The following DAPP1 variants were observed in gnomAD, a reference collection of about 807,000 sequenced individuals.
The protein encoded by DAPP1 is dual adaptor of phosphotyrosine and 3-phosphoinositides 1, also known as dual adapter for phosphotyrosine and 3-phosphotyrosine and 3-phosphoinositide.
In DAPP1, 20 loss-of-function variants were observed where a neutral mutation model predicts 41.5. The ratio of observed to expected loss-of-function variants is 0.48; its 90% CI spans 0.34 to 0.70. DAPP1 has a LOEUF of 0.70. DAPP1 is among the 30% of genes least tolerant of loss of function. The pLI is 0.01. For missense variants in DAPP1, 233 were observed against 333.4 expected, an observed-to-expected ratio of 0.70 and a Z score of 2.35; for synonymous variants, 113 against 116.2, an observed-to-expected ratio of 0.97 and a Z score of 0.18.
chr4:99,842,756 T>G (rs1338584077), intron 3 of DAPP1, among the ~76,000 whole-genome samples: 1 of 152,224 alleles, frequency 6.6e-6, no homozygotes, highest in Admixed American at 6.5e-5. Context: ...TCTTGTTCAT[T>G]TAAGCATGGG....
chr4:99,821,838 A>G (rs1722785240), intron 1 of DAPP1, among the ~76,000 whole-genome samples: 1 of 152,260 alleles, frequency 6.6e-6, no homozygotes, highest in African/African-American at 2.4e-5. Context: ...TATTCCTCAC[A>G]TAATATACAT....
chr4:99,841,625 T>C (rs1292460423), intron 3 of DAPP1, among the ~76,000 whole-genome samples: 1 of 152,236 alleles, frequency 6.6e-6, no homozygotes, highest in East Asian at 1.9e-4. Context: ...CTCAAATCCC[T>C]ACACTTCAGT....
intron 4 of DAPP1, among the ~76,000 whole-genome samples, chr4:99,859,374 G>T (rs754764461): frequency 1.3e-5 from 2 of 151,992 alleles, no homozygotes; most frequent in Non-Finnish European, 2.9e-5. Flanking sequence ...CGACATCTAG[G>T]TACTATGTGC....
chr4:99,817,075 C>T (rs968243668), intron 1 of DAPP1, 61 bp downstream of exon 1: 13 of 1,268,568 alleles, frequency 1.0e-5, no homozygotes, highest in East Asian at 2.6e-5. Flanking sequence ...CGCACTCCCA[C>T]CTGCATGCTT....
In DAPP1 at chr4:99,822,062, C is replaced by T. The variant is rs531979512; in HGVS notation, c.101+5048C>T. Among the ~76,000 whole-genome samples the T allele has an allele frequency of 9.0e-4, 137 of 152,268 alleles. 1 individual carries two copies. The highest frequency in any genetic ancestry group is 1.5e-3 in the Non-Finnish European group (105 of 68,018). ...GCTCTGTAATCTTGGATTCTAAAAA[C>T]GGAAGGTGGTTCTTCTGTGGTTGTA... On this transcript the variant is annotated intron_variant, in intron 1 of 8. Coordinates refer to ENST00000512369, the MANE Select transcript of DAPP1 (RefSeq NM_014395.3).
chr4:99,837,448 A>G (rs961603718), intron 2 of DAPP1, among the ~76,000 whole-genome samples: 1 of 152,186 alleles, frequency 6.6e-6, no homozygotes, highest in African/African-American at 2.4e-5. Context: ...GAGGAAAAAC[A>G]AGCATATTCA....
At chr4:99,817,662 C>T (rs889626241) in intron 1 of DAPP1, among the ~76,000 whole-genome samples, 3 of 152,156 alleles carry the variant, frequency 2.0e-5, no homozygotes, top group Admixed American at 2.0e-4. Context: ...CATTGGAGCT[C>T]TGTCTTTAAG....
chr4:99,834,935 G>A (rs548965322), intron 1 of DAPP1, among the ~76,000 whole-genome samples: 1 of 152,034 alleles, frequency 6.6e-6, no homozygotes, highest in Non-Finnish European at 1.5e-5. Context: ...CTCCCTGTAG[G>A]CAAATCTATC....
chr4:99,861,870 C>G (rs970573402), intron 5 of DAPP1, among the ~76,000 whole-genome samples: 11 of 152,190 alleles, frequency 7.2e-5, no homozygotes, highest in Admixed American at 2.0e-4. Flanking sequence ...GTCAATAAAA[C>G]ATAGTCCTCA....
chr4:99,838,649 G>C (rs191934011), intron 2 of DAPP1, among the ~76,000 whole-genome samples: 1 of 152,194 alleles, frequency 6.6e-6, no homozygotes, highest in African/African-American at 2.4e-5. Context: ...AGGAGGCAGA[G>C]CTCAGGCAGT....
chr4:99,870,906 T>C (rs1215614757), downstream of DAPP1, among the ~76,000 whole-genome samples: 1 of 152,176 alleles, frequency 6.6e-6, no homozygotes, highest in African/African-American at 2.4e-5. Context: ...ACAATGGGTC[T>C]ATTGGGGTAT....
rs1000621296 is a variant in DAPP1 at position 99,866,780 on chromosome 4, T to A, written c.774+659T>A. On this transcript the variant is annotated intron_variant, in intron 8 of 8. Transcript: ENST00000512369. ...TCTTTTTTTCTATTTTTTTTTTTTT[T>A]TTTTTTTGAGACAGAGTCTCGTTCT... 8.8e-5 allele frequency among the ~76,000 whole-genome samples: 13 copies of A among 148,542 alleles called. 1 individual carries two copies. The highest frequency in any genetic ancestry group is 3.0e-4 in the African/African-American group (12 of 40,312).
intron 3 of DAPP1, among the ~76,000 whole-genome samples, chr4:99,847,721 C>G (rs1723712435): frequency 6.6e-6 from 1 of 152,158 alleles, no homozygotes; most frequent in South Asian, 2.1e-4. Context: ...AACCCAGGGT[C>G]CCTTTCTTCC....
intron 3 of DAPP1, among the ~76,000 whole-genome samples, chr4:99,851,383 C>T (rs1041653516): frequency 3.7e-4 from 57 of 152,034 alleles, no homozygotes; most frequent in African/African-American, 1.4e-3. Flanking sequence ...TCTCTGAGGT[C>T]GAGATCAGAC....
At chr4:99,853,699 G>A (rs1477234703) in intron 4 of DAPP1, among the ~76,000 whole-genome samples, 1 of 152,132 alleles carries the variant, frequency 6.6e-6, no homozygotes, top group South Asian at 2.1e-4. Context: ...TGCACCTGTA[G>A]TCCCAGCTAC....
intron 1 of DAPP1, among the ~76,000 whole-genome samples, chr4:99,823,138 T>G (rs984763631): frequency 1.3e-5 from 2 of 152,240 alleles, no homozygotes; most frequent in African/African-American, 4.8e-5. Context: ...TCAGGATATC[T>G]GTAATTTACT....
chr4:99,842,500 C>T (rs1723526549), intron 3 of DAPP1, among the ~76,000 whole-genome samples: 1 of 152,252 alleles, frequency 6.6e-6, no homozygotes, highest in Non-Finnish European at 1.5e-5. Flanking sequence ...CTTTATTCCT[C>T]TTATCTGTCC....
chr4:99,837,298 C>G (rs1723335022), intron 2 of DAPP1, among the ~76,000 whole-genome samples: 1 of 152,158 alleles, frequency 6.6e-6, no homozygotes, highest in South Asian at 2.1e-4. Context: ...TGTGTGTACT[C>G]CAGGGGCTGG....
At chr4:99,867,363 C>T (rs991168688) in intron 8 of DAPP1, among the ~76,000 whole-genome samples, 13 of 152,210 alleles carry the variant, frequency 8.5e-5, no homozygotes, top group African/African-American at 3.1e-4. Flanking sequence ...AGTATACACA[C>T]TTTTAGACTT....
Sources: allele counts gnomAD v4.1 joint callset (sites outside exome capture counted in the v4.1 genomes callset), GRCh38; gene constraint gnomAD v4.1.1; transcripts MANE v1.5; gene names NCBI Gene and HGNC (gene_info 2026-07-23, HGNC 2026-07-21).